The following CHIC2 variants were observed in gnomAD, a reference collection of about 807,000 sequenced individuals.
CHIC2 encodes the protein cysteine rich hydrophobic domain 2.
CHIC2 carries 14 observed loss-of-function variants against 25.9 expected under a neutral mutation model. The observed-to-expected ratio is 0.54, with a 90% CI of 0.36 to 0.85. CHIC2 has a LOEUF of 0.85. CHIC2 is among the 40% of genes least tolerant of loss of function. The pLI is 0.01. For synonymous variants in CHIC2, 70 were observed against 72.0 expected (o/e 0.97, Z 0.14); for missense variants, 146 against 202.0 (o/e 0.72, Z 1.68).
At chr4:54,082,529 C>T in the CHIC2 span, among the ~76,000 whole-genome samples, 11 of 152,188 alleles carry the variant, frequency 7.2e-5, no homozygotes. Flanking sequence ...TTTCCCTACT[C>T]CACTCTATTT....
intron 3 of CHIC2, among the ~76,000 whole-genome samples, chr4:54,032,049 A>C (rs1716244056): frequency 6.6e-6 from 1 of 152,170 alleles, no homozygotes; most frequent in African/African-American, 2.4e-5. Flanking sequence ...GTTACAGGCC[A>C]CTTCCCTATT....
intron 3 of CHIC2, among the ~76,000 whole-genome samples, chr4:54,021,067 C>A (rs765637429): frequency 6.6e-6 from 1 of 152,118 alleles, no homozygotes; most frequent in Non-Finnish European, 1.5e-5. Context: ...ACCTTCCACC[C>A]TCCATTCCCC....
chr4:54,063,877 T>A lies in CHIC2; in HGVS notation c.119+305A>T, dbSNP rs372404657. 2.4e-4 allele frequency among the ~76,000 whole-genome samples: 36 copies of A among 152,300 alleles called. 2 individuals are homozygous for A. The South Asian group carries it at 7.5e-3, about 32-fold the overall frequency. On this transcript the variant is annotated intron_variant, in intron 1 of 5. Transcript: ENST00000263921. ...GGAGGCTCCCTGTCAATACACGTAC[T>A]TCCACCCTGAAGAGGAAGGGTGGCC...
intron 3 of CHIC2, among the ~76,000 whole-genome samples, 155 bp from the exon 4 acceptor site, chr4:54,014,274 C>T (rs140483681): frequency 2.9e-3 from 447 of 152,150 alleles, no homozygotes; most frequent in Non-Finnish European, 5.5e-3. Context: ...TAAATGGTAA[C>T]CTGAACACAA....
the CHIC2 span, among the ~76,000 whole-genome samples, chr4:54,089,144 A>T: frequency 1.3e-5 from 2 of 152,148 alleles, no homozygotes; most frequent in Non-Finnish European, 1.5e-5. Flanking sequence ...CAGTCTCCCT[A>T]CTTATAACAT....
chr4:54,083,632 T>A, the CHIC2 span, among the ~76,000 whole-genome samples: 1 of 152,180 alleles, frequency 6.6e-6, no homozygotes, highest in Non-Finnish European at 1.5e-5. Flanking sequence ...TCATTGGTGC[T>A]ACCTTCCAAA....
chr4:54,090,481 G>T, the CHIC2 span, among the ~76,000 whole-genome samples: 1 of 152,074 alleles, frequency 6.6e-6, no homozygotes, highest in Non-Finnish European at 1.5e-5. Context: ...CACCACAACC[G>T]GCCTAATTTA....
intron 3 of CHIC2, among the ~76,000 whole-genome samples, chr4:54,043,770 A>G (rs1238037611): frequency 6.6e-6 from 1 of 152,194 alleles, no homozygotes. Context: ...ACCAGCTAAC[A>G]TCATAATGAC....
At chr4:54,049,184 TTC>T in intron 2 of CHIC2, 65 bp downstream of exon 2, 1 of 1,564,552 alleles carries the variant, frequency 6.4e-7, no homozygotes. Flanking sequence ...GCATACTTTT[TTC>T]TAATTTTCTC....
intron 3 of CHIC2, among the ~76,000 whole-genome samples, chr4:54,017,679 C>T (rs1199393054): frequency 1.3e-5 from 2 of 152,138 alleles, no homozygotes; most frequent in African/African-American, 2.4e-5. Context: ...ACCAAGACCA[C>T]CAACTCACAA....
rs1321116322 is a variant in CHIC2 at position 54,064,383 on chromosome 4, T to C, written c.-83A>G. ...TACCGGCGGGCGAGGCGGCGGAGGCTGAGGGGAGTCGCCGCTGCCGCCGGC... is the reference window on the plus strand; with the variant it reads ...TACCGGCGGGCGAGGCGGCGGAGGCCGAGGGGAGTCGCCGCTGCCGCCGGC... On this transcript the variant is annotated 5_prime_UTR_variant, in exon 1 of 6. Transcript: ENST00000263921. This position sits in a 1 kb window ranked among gnomAD's most constrained non-coding sequence, Gnocchi z 4.2. 3.2e-6 allele frequency: 5 copies of C among 1,569,204 alleles called. No homozygotes were observed. The East Asian group carries it at 7.1e-5, about 22-fold the overall frequency.
chr4:54,061,566 T>C (rs1243081859), intron 1 of CHIC2, among the ~76,000 whole-genome samples: 1 of 152,122 alleles, frequency 6.6e-6, no homozygotes, highest in Non-Finnish European at 1.5e-5. Context: ...CCAGTCTTAC[T>C]ACAACTGTTC....
chr4:54,068,806 C>T (rs969542942), upstream of CHIC2, among the ~76,000 whole-genome samples: 6 of 152,198 alleles, frequency 3.9e-5, no homozygotes, highest in African/African-American at 1.2e-4. Context: ...GTTGAGGGCT[C>T]AGTCCGCAAG....
upstream of CHIC2, among the ~76,000 whole-genome samples, chr4:54,069,397 G>T (rs905460984): frequency 6.6e-6 from 1 of 152,194 alleles, no homozygotes; most frequent in East Asian, 1.9e-4. Context: ...GGTCTGGAAG[G>T]GTCTTGGGTG....
intron 1 of CHIC2, chr4:54,060,441 A>C (rs1334784191): frequency 6.6e-6 from 1 of 152,134 alleles, no homozygotes; most frequent in Non-Finnish European, 1.5e-5. Context: ...CAGCAAAATA[A>C]CTTGGCTCTA....
intron 3 of CHIC2, among the ~76,000 whole-genome samples, chr4:54,025,411 A>G (rs1716027367): frequency 6.6e-6 from 1 of 152,134 alleles, no homozygotes; most frequent in African/African-American, 2.4e-5. Context: ...CAAAATCTGT[A>G]AGAACTAATG....
At chr4:54,072,370 C>G in the CHIC2 span, among the ~76,000 whole-genome samples, 1 of 151,908 alleles carries the variant, frequency 6.6e-6, no homozygotes, top group Admixed American at 6.6e-5. Flanking sequence ...GTACTTAGCT[C>G]TCTTCACTAC....
intron 3 of CHIC2, among the ~76,000 whole-genome samples, chr4:54,029,298 T>C (rs1716152486): frequency 6.6e-6 from 1 of 152,220 alleles, no homozygotes; most frequent in Admixed American, 6.5e-5. Context: ...TCTATCACTG[T>C]ACATTAGAAC....
In CHIC2 at chr4:54,009,971, CAA is replaced by C. The variant is rs1715528749; in HGVS notation, c.*122_*123del. 4.4e-6 allele frequency: 2 copies of C among 457,494 alleles called. No homozygotes were observed. Among genetic ancestry groups the C allele is most frequent in the African/African-American group, 4.5e-5 (2 of 43,964 alleles). 28.3% of individuals were successfully genotyped at this position (457,494 alleles called of 1,614,324 possible). A position where few individuals can be genotyped will look rare whatever the true frequency, so the allele number is the denominator to read the frequency against. ...CGGTTATTTAAAAAAAAAACAAAAA[CAA>C]AAACAAAAAAAACACCACACGATTC... On this transcript the variant is annotated 3_prime_UTR_variant, in exon 6 of 6. Transcript: ENST00000263921.
Sources: allele counts gnomAD v4.1 joint callset (sites outside exome capture counted in the v4.1 genomes callset), GRCh38; gene constraint gnomAD v4.1.1; non-coding constraint Gnocchi (gnomAD v3.1); transcripts MANE v1.5; gene names NCBI Gene and HGNC (gene_info 2026-07-23, HGNC 2026-07-21).